The following RAF1 variants were observed in gnomAD, a reference collection of about 807,000 sequenced individuals.
RAF1 encodes RAF proto-oncogene serine/threonine-protein kinase.
RAF1 carries 27 observed loss-of-function variants against 81.1 expected under a neutral mutation model. That is an observed-to-expected ratio of 0.33 (90% confidence interval 0.25 to 0.46). The LOEUF (loss-of-function observed/expected upper bound fraction) is 0.46, where lower values mean the gene tolerates loss of function less well. Ranked by LOEUF, RAF1 falls within the 20% of genes least tolerant of loss-of-function variation. The pLI, the probability that RAF1 is intolerant of heterozygous loss-of-function variation, is 1.00. For missense variants in RAF1, 598 were observed against 826.0 expected (o/e 0.72, Z 3.38); for synonymous variants, 298 against 294.0 (o/e 1.01, Z -0.14).
intron 11 of RAF1, among the ~76,000 whole-genome samples, chr3:12,597,471 C>T (rs544808373): frequency 9.2e-5 from 14 of 152,196 alleles, no homozygotes; most frequent in Non-Finnish European, 1.8e-4. Flanking sequence ...TAAAAATGTT[C>T]TAATGCTAAC....
chr3:12,591,379 A>C (rs193259694), intron 12 of RAF1, among the ~76,000 whole-genome samples: 1 of 152,314 alleles, frequency 6.6e-6, no homozygotes, highest in East Asian at 1.9e-4. Flanking sequence ...CAGCTATAAA[A>C]AAAAGGGTTC....
intron 13 of RAF1, chr3:12,590,025 G>T (rs1268151776): frequency 2.0e-5 from 3 of 151,594 alleles, no homozygotes; most frequent in African/African-American, 4.8e-5. Flanking sequence ...TCCTGGCCTC[G>T]TCATCCACCC....
intron 1 of RAF1, among the ~76,000 whole-genome samples, chr3:12,637,977 C>A (rs143575726): frequency 6.6e-6 from 1 of 152,144 alleles, no homozygotes; most frequent in East Asian, 1.9e-4. Flanking sequence ...TGGCCTGGCC[C>A]GTTACCCATC....
intron 1 of RAF1, among the ~76,000 whole-genome samples, chr3:12,627,390 T>C (rs2059735329): frequency 6.6e-6 from 1 of 152,066 alleles, no homozygotes. Context: ...AGGCCTAGAT[T>C]CTACTCTGTT....
At chr3:12,642,151 A>T (rs1009446261) in intron 1 of RAF1, among the ~76,000 whole-genome samples, 1 of 151,754 alleles carries the variant, frequency 6.6e-6, no homozygotes, top group African/African-American at 2.4e-5. Flanking sequence ...TCTGTCTCAA[A>T]AAAATCAATT....
chr3:12,611,923 G>A (rs759092993), intron 3 of RAF1, 27 bp downstream of exon 3: 102 of 1,525,142 alleles, frequency 6.7e-5, no homozygotes, highest in Non-Finnish European at 9.0e-5. Context: ...CTAGTCTGAA[G>A]AAGTCAATTG....
At chr3:12,657,929 C>T (rs1478199958) in intron 1 of RAF1, among the ~76,000 whole-genome samples, 1 of 151,958 alleles carries the variant, frequency 6.6e-6, no homozygotes, top group Non-Finnish European at 1.5e-5. Context: ...TCCCTACATC[C>T]CTCAGCCCCT....
At position 12,618,494 on chromosome 3, in the gene RAF1, C is replaced by T. The variant is rs776239325; in HGVS notation, c.207+21G>A. Reference sequence around the variant, plus strand: ...ACAGGCAGATAAATAGCTAAATTTCCTAAGTAGAATGTTCACATACCACTG... The same window carrying T: ...ACAGGCAGATAAATAGCTAAATTTCTTAAGTAGAATGTTCACATACCACTG... On this transcript the variant is annotated intron_variant, in intron 2 of 17. Coordinates refer to ENST00000442415, the MANE Select transcript of RAF1 (RefSeq NM_001354689.3). The T allele has an allele frequency of 1.9e-6, 3 of 1,613,232 alleles. No homozygotes were observed. The South Asian group carries it at 3.3e-5, about 18-fold the overall frequency.
intron 1 of RAF1, among the ~76,000 whole-genome samples, chr3:12,660,647 A>G (rs1392281835): frequency 6.6e-6 from 1 of 152,098 alleles, no homozygotes; most frequent in East Asian, 1.9e-4. Flanking sequence ...GACTTTAACA[A>G]AACTAAGGAA....
intron 11 of RAF1, 40 bp downstream of exon 10, chr3:12,599,651 C>CA: frequency 6.5e-7 from 1 of 1,535,180 alleles, no homozygotes; most frequent in South Asian, 1.1e-5. Context: ...GACTTCACAC[C>CA]AAAGCCCTGC....
Position 12,618,733 on chromosome 3 carries a change from A to T in RAF1, c.-12T>A. 1.2e-6 allele frequency: 2 copies of T among 1,613,770 alleles called. No individual in the cohort carries two copies. Among genetic ancestry groups the T allele is most frequent in the Non-Finnish European group, 1.7e-6 (2 of 1,179,704 alleles). ...TGTATGTGCTCCATTGATGCAGCTT[A>T]AACAATTCTTAAACCTGGTAAGAAA... On this transcript the variant is annotated 5_prime_UTR_variant, in exon 2 of 18. Transcript: ENST00000442415.
In RAF1 at chr3:12,618,738, A is replaced by G. The variant is rs1436852652; in HGVS notation, c.-17T>C. The G allele has an allele frequency of 1.9e-6, 3 of 1,612,982 alleles. No individual in the cohort carries two copies. Among genetic ancestry groups the G allele is most frequent in the East Asian group, 4.5e-5 (2 of 44,884 alleles). On this transcript the variant is annotated 5_prime_UTR_variant, in exon 2 of 18. Transcript: ENST00000442415. ...GTGCTCCATTGATGCAGCTTAAACA[A>G]TTCTTAAACCTGGTAAGAAACACAA...
chr3:12,618,875 A>T (rs1267011318), intron 1 of RAF1, 128 bp from the exon 2 acceptor site: 1 of 730,302 alleles, frequency 1.4e-6, no homozygotes, highest in South Asian at 1.7e-5. Context: ...ATTCATCAGC[A>T]AAGAAAAGTT....
At chr3:12,600,988 T>C (rs1043089930) in intron 8 of RAF1, among the ~76,000 whole-genome samples, 2 of 152,206 alleles carry the variant, frequency 1.3e-5, no homozygotes, top group South Asian at 2.1e-4. Flanking sequence ...CTTCCAAAGA[T>C]TGGGATTCTT....
intron 14 of RAF1, 97 bp downstream of exon 13, chr3:12,587,494 C>A: frequency 8.7e-7 from 1 of 1,143,226 alleles, no homozygotes; most frequent in South Asian, 1.2e-5. Flanking sequence ...AAAAAGATAT[C>A]CCCTGGCACC....
chr3:12,590,767 G>A lies in RAF1; in HGVS notation c.1430+31C>T, dbSNP rs761648131. The A allele has an allele frequency of 1.8e-5, 29 of 1,592,578 alleles. No individual in the cohort carries two copies. In the South Asian group the frequency reaches 2.1e-4, roughly 12 times the overall value. On this transcript the variant is annotated intron_variant, in intron 13 of 17. Transcript: ENST00000442415. ...ATTTAGGGACAAATTTGATGCCTGG[G>A]TCCCAGAGAGGCATCAGACCATCTA...
intron 1 of RAF1, among the ~76,000 whole-genome samples, chr3:12,641,126 C>T (rs963543639): frequency 4.7e-5 from 7 of 149,794 alleles, no homozygotes; most frequent in Non-Finnish European, 7.4e-5. Context: ...GAAAACCAAA[C>T]GCCGCATATT....
At chr3:12,616,407 G>C (rs973342025) in intron 2 of RAF1, among the ~76,000 whole-genome samples, 1 of 152,128 alleles carries the variant, frequency 6.6e-6, no homozygotes, top group African/African-American at 2.4e-5. Flanking sequence ...AGGTCACAAA[G>C]AAAATTAATG....
intron 1 of RAF1, among the ~76,000 whole-genome samples, chr3:12,656,870 G>A (rs1027696426): frequency 6.6e-6 from 1 of 152,028 alleles, no homozygotes; most frequent in Non-Finnish European, 1.5e-5. Flanking sequence ...GGTGGCAGAT[G>A]CCTGTAATCC....
Sources: allele counts gnomAD v4.1 joint callset (sites outside exome capture counted in the v4.1 genomes callset), GRCh38; gene constraint gnomAD v4.1.1; transcripts MANE v1.5; gene names NCBI Gene and HGNC (gene_info 2026-07-23, HGNC 2026-07-21).